COL14A1: variants seen among roughly 807,000 people sequenced by gnomAD.
COL14A1 encodes the protein collagen type XIV alpha 1 chain, also known as collagen alpha-1(XIV) chain.
Under a neutral mutation model 230.3 loss-of-function variants are expected in COL14A1, and 136 were observed. The ratio of observed to expected loss-of-function variants is 0.59; its 90% confidence interval spans 0.51 to 0.68. COL14A1 has a LOEUF of 0.68. COL14A1 is among the 30% of genes least tolerant of loss of function. The pLI is 0.00. For missense variants in COL14A1, 1,976 were observed against 2,215.8 expected (o/e 0.89, Z 2.17); for synonymous variants, 792 against 784.1 (o/e 1.01, Z -0.17).
chr8:120,292,924 G>T (rs1820416103), intron 34 of COL14A1, among the ~76,000 whole-genome samples: 1 of 152,116 alleles, frequency 6.6e-6, no homozygotes, highest in East Asian at 1.9e-4. Flanking sequence ...AAATCAACTG[G>T]TGTTCAGCAA....
intron 35 of COL14A1, among the ~76,000 whole-genome samples, chr8:120,299,352 C>T (rs116095421): frequency 0.014 from 2,156 of 152,084 alleles, 50 homozygotes; most frequent in African/African-American, 0.05. Context: ...AAATAAGTTT[C>T]TAGTAAACTC....
chr8:120,141,566 A>G (rs775018364), intron 1 of COL14A1, among the ~76,000 whole-genome samples: 6 of 152,118 alleles, frequency 3.9e-5, no homozygotes, highest in Non-Finnish European at 5.9e-5. Flanking sequence ...AACAAAAGAA[A>G]AGAAAAAAAG....
rs117143190 is a variant in COL14A1, at chr8:120,355,124, A to G, written c.5077+9561A>G. On this transcript the variant is annotated intron_variant, in intron 45 of 47. Coordinates refer to ENST00000297848, the MANE Select transcript of COL14A1 (RefSeq NM_021110.4). ...TCCAGTGATTGACTACTATTTGTCA[A>G]TTGCTTTTCTGACGTCAACTCACTC... Among the ~76,000 whole-genome samples the G allele has an allele frequency of 1.9e-3, 294 of 152,290 alleles. 10 individuals are homozygous for G. The East Asian group carries it at 0.05, about 26-fold the overall frequency.
At chr8:120,137,476 A>C (rs949335698) in intron 1 of COL14A1, among the ~76,000 whole-genome samples, 2 of 152,076 alleles carry the variant, frequency 1.3e-5, no homozygotes, top group Admixed American at 1.3e-4. Context: ...TATCTTTATT[A>C]ATCACTTCCT....
At chr8:120,270,525 C>T (rs1819627066) in intron 26 of COL14A1, among the ~76,000 whole-genome samples, 1 of 151,766 alleles carries the variant, frequency 6.6e-6, no homozygotes, top group African/African-American at 2.4e-5. Context: ...GTTAAGGTCA[C>T]ACCTTACTAT....
At chr8:120,173,561 A>AAAC in intron 5 of COL14A1, among the ~76,000 whole-genome samples, 1 of 144,782 alleles carries the variant, frequency 6.9e-6, no homozygotes, top group Non-Finnish European at 1.5e-5. Context: ...TCTAGCAATC[A>AAAC]ATCATCTATC....
At chr8:120,313,641 G>A (rs1251275380) in intron 37 of COL14A1, among the ~76,000 whole-genome samples, 1 of 151,974 alleles carries the variant, frequency 6.6e-6, no homozygotes, top group African/African-American at 2.4e-5. Context: ...GGAGTGTGGG[G>A]GGTCTCATTA....
intron 5 of COL14A1, among the ~76,000 whole-genome samples, chr8:120,173,501 G>C (rs536355757): frequency 1.3e-5 from 2 of 151,836 alleles, no homozygotes; most frequent in Non-Finnish European, 2.9e-5. Context: ...CTTCTGGAGT[G>C]TCATACCATT....
chr8:120,166,875 AGTGTGTGTGT>A lies in COL14A1; in HGVS notation c.350-1248_350-1239del, dbSNP rs4053270. Among the ~76,000 whole-genome samples, 751 of 117,066 alleles carry A rather than the reference AGTGTGTGTGT, an allele frequency of 6.4e-3. 9 individuals carry two copies. The highest frequency in any genetic ancestry group is 9.2e-3 in the South Asian group (27 of 2,938). 76.8% of individuals were successfully genotyped at this position (117,066 alleles called of 152,430 possible). On this transcript the variant is annotated intron_variant, in intron 4 of 47. Coordinates refer to ENST00000297848, the MANE Select transcript of COL14A1 (RefSeq NM_021110.4). ...AACAACTGAGAAAGAAAAGAATTTAAGTGTGTGTGTGTGTGTGTGTGTGTGTGTGTGTGTG... is the reference window on the plus strand; with the variant it reads ...AACAACTGAGAAAGAAAAGAATTTAAGTGTGTGTGTGTGTGTGTGTGTGTG...
At chr8:120,184,935 C>T (rs1318769023) in intron 5 of COL14A1, among the ~76,000 whole-genome samples, 1 of 152,160 alleles carries the variant, frequency 6.6e-6, no homozygotes, top group African/African-American at 2.4e-5. Flanking sequence ...TAGACACATC[C>T]AGAGTAATGT....
At chr8:120,300,874 C>A in intron 36 of COL14A1, 56 bp downstream of exon 36, 1 of 1,344,028 alleles carries the variant, frequency 7.4e-7, no homozygotes, top group Non-Finnish European at 1.1e-6. Context: ...ATAGCTATCA[C>A]TTGTGTGTCT....
At chr8:120,240,921 G>T (rs1414304666) in intron 19 of COL14A1, among the ~76,000 whole-genome samples, 1 of 152,130 alleles carries the variant, frequency 6.6e-6, no homozygotes, top group Admixed American at 6.6e-5. Context: ...ACTCTGTCTT[G>T]GAATATGGAG....
chr8:120,369,222 T>TC, intron 46 of COL14A1, 108 bp from the exon 47 acceptor site: 1 of 1,156,840 alleles, frequency 8.6e-7, no homozygotes, highest in South Asian at 2.0e-5. Flanking sequence ...GTTGTCCTAA[T>TC]TGTCCTAAAA....
intron 45 of COL14A1, among the ~76,000 whole-genome samples, chr8:120,365,407 T>C (rs1274872789): frequency 2.6e-5 from 4 of 152,176 alleles, no homozygotes; most frequent in Non-Finnish European, 2.9e-5. Context: ...CTTTCAAAAT[T>C]AGTTGTTCCC....
chr8:120,177,000 A>G (rs948145809), intron 5 of COL14A1, among the ~76,000 whole-genome samples: 13 of 152,106 alleles, frequency 8.5e-5, no homozygotes, highest in Admixed American at 3.9e-4. Context: ...TGAGGAAGCC[A>G]CTCTGTATAT....
chr8:120,216,528 G>A (rs1369499685), intron 14 of COL14A1, 38 bp downstream of exon 14: 1 of 1,585,064 alleles, frequency 6.3e-7, no homozygotes, highest in African/African-American at 1.4e-5. Flanking sequence ...TTTAGGTAGT[G>A]GCGTGCTAGT....
At chr8:120,233,928 T>C (rs1818357716) in intron 19 of COL14A1, among the ~76,000 whole-genome samples, 1 of 152,228 alleles carries the variant, frequency 6.6e-6, no homozygotes, top group South Asian at 2.1e-4. Flanking sequence ...ATTTTTATGA[T>C]ATTGATTCTA....
intron 38 of COL14A1, among the ~76,000 whole-genome samples, chr8:120,314,559 T>G (rs1017292916): frequency 3.9e-5 from 6 of 152,174 alleles, no homozygotes; most frequent in Non-Finnish European, 7.4e-5. Context: ...AAAGTTTAAT[T>G]CCATTCACTG....
In COL14A1 at chr8:120,345,576, C is replaced by G. The variant is rs749233695; in HGVS notation, c.5077+13C>G. 6.6e-7 allele frequency: 1 copy of G among 1,517,246 alleles called. No homozygotes were observed. Among genetic ancestry groups the G allele is most frequent in the South Asian group, 1.3e-5 (1 of 76,678 alleles). The allele number at this position is 1,517,246 out of a possible 1,614,324, so 94.0% of individuals were successfully genotyped here. ...CCAGGAGAACGAGGTAAGCTGGGCC[C>G]CTTCTCTCAGAGGAACTCCTCTGAG... On this transcript the variant is annotated intron_variant, in intron 45 of 47. Transcript: ENST00000297848.
Sources: gnomAD v4.1 joint callset for allele counts (sites outside exome capture counted in the v4.1 genomes callset) on GRCh38, gnomAD v4.1.1 for gene constraint, MANE v1.5 for transcripts, NCBI Gene and HGNC (gene_info 2026-07-23, HGNC 2026-07-21) for gene names.